ADIPOR2: variants seen among roughly 807,000 people sequenced by gnomAD.
ADIPOR2 encodes adiponectin receptor 2, also known as adiponectin receptor protein 2.
Under a neutral mutation model 40.9 loss-of-function variants are expected in ADIPOR2, and 18 were observed. That is an observed-to-expected ratio of 0.44 (90% confidence interval 0.30 to 0.65). ADIPOR2 has a LOEUF of 0.65. Ranked by LOEUF, ADIPOR2 falls within the 30% of genes least tolerant of loss-of-function variation. ADIPOR2 has a pLI of 0.09. For synonymous variants in ADIPOR2, 165 were observed against 166.4 expected (o/e 0.99, Z 0.06); for missense variants, 283 against 479.2 (o/e 0.59, Z 3.82).
intron 1 of ADIPOR2, among the ~76,000 whole-genome samples, chr12:1,709,405 T>C (rs1283297551): frequency 6.6e-6 from 1 of 152,212 alleles, no homozygotes; most frequent in African/African-American, 2.4e-5. Flanking sequence ...TTGGTGCTAG[T>C]ATGTAGATTA....
chr12:1,699,657 GA>G (rs1158353730), intron 1 of ADIPOR2, among the ~76,000 whole-genome samples: 2 of 152,012 alleles, frequency 1.3e-5, no homozygotes, highest in Non-Finnish European at 2.9e-5. Flanking sequence ...GTCTTAAAAA[GA>G]AAAGAAAAAC....
chr12:1,699,552 G>C (rs1316805743), intron 1 of ADIPOR2, among the ~76,000 whole-genome samples: 1 of 152,208 alleles, frequency 6.6e-6, no homozygotes, highest in Non-Finnish European at 1.5e-5. Context: ...TTGGGAGACC[G>C]AGGCAGGATA....
At chr12:1,750,428 A>G (rs1025551489) in intron 1 of ADIPOR2, among the ~76,000 whole-genome samples, 3 of 148,708 alleles carry the variant, frequency 2.0e-5, no homozygotes, top group African/African-American at 7.4e-5. Flanking sequence ...AAGGCCAGGT[A>G]TGGTGGTGTG....
chr12:1,751,002 C>T (rs1426772680), intron 1 of ADIPOR2, among the ~76,000 whole-genome samples: 2 of 149,830 alleles, frequency 1.3e-5, no homozygotes, highest in African/African-American at 4.9e-5. Context: ...TGGCTTTAGA[C>T]TCTTAGACTT....
chr12:1,755,990 G>A (rs930122773), intron 2 of ADIPOR2, among the ~76,000 whole-genome samples: 15 of 152,042 alleles, frequency 9.9e-5, no homozygotes, highest in African/African-American at 3.4e-4. Flanking sequence ...GGGAACAGCA[G>A]CTGGGGGAAG....
rs1226401346 is a variant in ADIPOR2 at position 1,718,963 on chromosome 12, A to C, written c.-87+27772A>C. ...TACATTTTCAAAATAATTTTAAGGA[A>C]ATAAACTGCTGTTTGATTCGAAATG... On this transcript the variant is annotated intron_variant, in intron 1 of 7. Coordinates refer to ENST00000357103, the MANE Select transcript of ADIPOR2 (RefSeq NM_024551.3). Among the ~76,000 whole-genome samples the C allele has an allele frequency of 2.0e-5, 3 of 152,242 alleles. No individual in the cohort carries two copies. In the East Asian group the frequency reaches 5.8e-4, roughly 29 times the overall value.
intron 6 of ADIPOR2, among the ~76,000 whole-genome samples, chr12:1,783,376 G>T (rs1366659727): frequency 6.6e-6 from 1 of 150,944 alleles, no homozygotes; most frequent in African/African-American, 2.4e-5. Flanking sequence ...ACTAAGCTAA[G>T]CCTCTCTTAG....
Position 1,746,069 on chromosome 12 carries a change from C to T in ADIPOR2, c.-86-8189C>T, listed in dbSNP as rs1227944748. On this transcript the variant is annotated intron_variant, in intron 1 of 7. Coordinates refer to ENST00000357103, the MANE Select transcript of ADIPOR2 (RefSeq NM_024551.3). ...TCCTGATGGATTAAAAAAAAAATGA[C>T]ATGATCTAAAAAATATGATCTATTT... 2.0e-5 allele frequency among the ~76,000 whole-genome samples: 3 copies of T among 151,860 alleles called. No individual in the cohort carries two copies. The East Asian group carries it at 5.8e-4, about 29-fold the overall frequency.
rs56921758 is a variant in ADIPOR2, at chr12:1,729,617, G to GTTTTTT, written c.-86-24622_-86-24617dup. On this transcript the variant is annotated intron_variant, in intron 1 of 7. Transcript: ENST00000357103. ...CATGAGCCAATGAGCTCAGCCAGTTGTTTTTTTTTTTTTTTTTTTTTTTTG... is the reference window on the plus strand; with the variant it reads ...CATGAGCCAATGAGCTCAGCCAGTTGTTTTTTTTTTTTTTTTTTTTTTTTTTTTTTG... 4.3e-3 allele frequency among the ~76,000 whole-genome samples: 386 copies of GTTTTTT among 88,806 alleles called. 7 individuals carry two copies. Among genetic ancestry groups the GTTTTTT allele is most frequent in the East Asian group, 7.9e-3 (23 of 2,896 alleles). The allele number at this position is 88,806 out of a possible 152,430, so 58.3% of individuals were successfully genotyped here.
At chr12:1,766,102 T>A (rs1206184407) in intron 2 of ADIPOR2, among the ~76,000 whole-genome samples, 1 of 152,212 alleles carries the variant, frequency 6.6e-6, no homozygotes, top group Non-Finnish European at 1.5e-5. Context: ...GAGAGACAGG[T>A]AAATCAGTAC....
At chr12:1,781,980 A>G (rs745933968) in intron 6 of ADIPOR2, among the ~76,000 whole-genome samples, 2 of 152,236 alleles carry the variant, frequency 1.3e-5, no homozygotes, top group Non-Finnish European at 2.9e-5. Flanking sequence ...AGCACATGAG[A>G]TAAGAATGTC....
intron 2 of ADIPOR2, chr12:1,757,204 G>C: frequency 2.3e-6 from 1 of 442,340 alleles, no homozygotes. Context: ...TACGTACAAA[G>C]ATCTAACATG....
chr12:1,763,323 G>A (rs1255631384), intron 2 of ADIPOR2, among the ~76,000 whole-genome samples: 1 of 152,192 alleles, frequency 6.6e-6, no homozygotes, highest in Non-Finnish European at 1.5e-5. Flanking sequence ...CAGACCGGTA[G>A]GAATTACATC....
intron 4 of ADIPOR2, chr12:1,778,227 A>G: frequency 1.9e-6 from 1 of 522,090 alleles, no homozygotes. Flanking sequence ...CTTAAGTTAT[A>G]TTTCTTTCTA....
At chr12:1,777,552 A>G (rs1213496145) in intron 3 of ADIPOR2, among the ~76,000 whole-genome samples, 1 of 151,636 alleles carries the variant, frequency 6.6e-6, no homozygotes, top group African/African-American at 2.4e-5. Flanking sequence ...ACACCCGGCT[A>G]ATTTTTTGTA....
intron 1 of ADIPOR2, among the ~76,000 whole-genome samples, chr12:1,693,825 G>C (rs2094632518): frequency 6.6e-6 from 1 of 152,034 alleles, no homozygotes; most frequent in African/African-American, 2.4e-5. Flanking sequence ...GAGCAACCGT[G>C]CCCAGCCCTG....
At chr12:1,770,032 C>G (rs1862464406) in intron 2 of ADIPOR2, among the ~76,000 whole-genome samples, 1 of 152,052 alleles carries the variant, frequency 6.6e-6, no homozygotes, top group Admixed American at 6.6e-5. Flanking sequence ...AGTCCTCCCC[C>G]TCAGCCTCTT....
intron 2 of ADIPOR2, chr12:1,757,959 C>T: frequency 9.4e-7 from 1 of 1,059,274 alleles, no homozygotes; most frequent in Non-Finnish European, 1.5e-6. Flanking sequence ...ATCCAGCATC[C>T]AATGCTTTGG....
chr12:1,725,768 T>C, intron 1 of ADIPOR2, among the ~76,000 whole-genome samples: 1 of 152,210 alleles, frequency 6.6e-6, no homozygotes, highest in East Asian at 1.9e-4. Flanking sequence ...CACAAATTAA[T>C]AATAAAGCCT....
Sources: gnomAD v4.1 joint callset for allele counts (sites outside exome capture counted in the v4.1 genomes callset) on GRCh38, gnomAD v4.1.1 for gene constraint, MANE v1.5 for transcripts, NCBI Gene and HGNC (gene_info 2026-07-23, HGNC 2026-07-21) for gene names.